Variants in ATP12A observed in about 807,000 individuals in gnomAD.
ATP12A encodes the protein potassium-transporting ATPase alpha chain 2.
Under a neutral mutation model 111.2 loss-of-function variants are expected in ATP12A, and 81 were observed. The ratio of observed to expected loss-of-function variants is 0.73; its 90% confidence interval spans 0.61 to 0.88. ATP12A has a LOEUF of 0.88. Among genes scored for constraint, ATP12A ranks in the 40% least tolerant of loss-of-function variants. ATP12A has a pLI of 0.00. For missense variants in ATP12A, 1,196 were observed against 1,313.1 expected (o/e 0.91, Z 1.38); for synonymous variants, 498 against 499.8 (o/e 1.00, Z 0.05).
chr13:24,680,774 G>A, intron 1 of ATP12A, 22 bp downstream of exon 1: 2 of 1,484,174 alleles, frequency 1.3e-6, no homozygotes, highest in African/African-American at 1.5e-5. Context: ...CCCCGCGCCG[G>A]CCGAGGATGC....
intron 14 of ATP12A, among the ~76,000 whole-genome samples, chr13:24,705,739 G>A (rs1437401476): frequency 6.6e-6 from 1 of 152,066 alleles, no homozygotes; most frequent in Non-Finnish European, 1.5e-5. Context: ...GCATGATCAT[G>A]GCTCACTGCA....
intron 14 of ATP12A, among the ~76,000 whole-genome samples, 179 bp downstream of exon 14, chr13:24,702,250 G>A (rs1875429289): frequency 6.6e-6 from 1 of 152,212 alleles, no homozygotes; most frequent in Admixed American, 6.5e-5. Flanking sequence ...CAGCTAATAT[G>A]TGCCAGGCAC....
Position 24,681,577 on chromosome 13 carries a change from TAC to T in ATP12A, c.26_27del (p.Tyr9PhefsTer8), listed in dbSNP as rs780681147. On this transcript the variant is annotated frameshift_variant, in exon 2 of 23. Transcript: ENST00000381946. LOFTEE classifies it high-confidence loss of function. ...TCTCTTTCAGAAAACCCCAGAAATT[TAC>T]TCCGTGGAGCTCAGCGGAACTAAGG... The part of the protein sequence containing the change: MHQKTPEI[Y>X]SVELSGTKDI... The T allele has an allele frequency of 1.9e-6, 3 of 1,611,140 alleles. No homozygotes were observed. In the African/African-American group the frequency reaches 4.0e-5, roughly 22 times the overall value.
chr13:24,705,814 C>G (rs1875605191), intron 14 of ATP12A, among the ~76,000 whole-genome samples: 1 of 152,110 alleles, frequency 6.6e-6, no homozygotes, highest in African/African-American at 2.4e-5. Context: ...GGACCACAGG[C>G]ACATGCCACC....
intron 17 of ATP12A, among the ~76,000 whole-genome samples, chr13:24,708,930 A>AAAGAAAGAAAG (rs1177029254): frequency 7.1e-6 from 1 of 140,458 alleles, no homozygotes; most frequent in African/African-American, 2.8e-5. Context: ...AGAAAGAAAG[A>AAAGAAAGAAAG]AAGAAAGAAA....
intron 14 of ATP12A, 110 bp downstream of exon 14, chr13:24,702,181 T>C (rs2137713872): frequency 2.1e-6 from 3 of 1,402,608 alleles, no homozygotes; most frequent in Non-Finnish European, 2.0e-6. Context: ...CTCAGAGTTA[T>C]GCTAGGCTTG....
Position 24,685,585 on chromosome 13 carries a change from G to A in ATP12A, c.228+212G>A, listed in dbSNP as rs971162563. ...GGCTCACACTGGCCTGGCAGTGAGA[G>A]GGACCAAGAGGGACAGATGACCCCT... On this transcript the variant is annotated intron_variant, in intron 3 of 22. Coordinates refer to ENST00000381946, the MANE Select transcript of ATP12A (RefSeq NM_001676.7). This position sits in a 1 kb window ranked among gnomAD's most constrained non-coding sequence, Gnocchi z 5.5. Among the ~76,000 whole-genome samples the A allele has an allele frequency of 1.2e-4, 18 of 152,284 alleles. No homozygotes were observed. The highest frequency in any genetic ancestry group is 4.1e-4 in the African/African-American group (17 of 41,568).
At chr13:24,707,577 C>A in intron 17 of ATP12A, 144 bp downstream of exon 17, 2 of 1,109,330 alleles carry the variant, frequency 1.8e-6, no homozygotes, top group Non-Finnish European at 2.5e-6. Context: ...GCATTTCTCA[C>A]AGGTTCTCAG....
chr13:24,697,115 C>G lies in ATP12A; in HGVS notation c.1513-1543C>G, dbSNP rs143484889. 3.1e-3 allele frequency among the ~76,000 whole-genome samples: 472 copies of G among 152,296 alleles called. 6 individuals carry two copies. The highest frequency in any genetic ancestry group is 0.01 in the African/African-American group (430 of 41,560). ...AGCCTGCTAGCCTGGGCTCAAATCC[C>G]AGCTCAGCCACCAGATAGCCACCTA... On this transcript the variant is annotated intron_variant, in intron 11 of 22. Transcript: ENST00000381946.
rs369565355 is a variant in ATP12A, at chr13:24,706,382, C to T, written c.2088C>T (p.Ile696=). 1.9e-6 allele frequency: 3 copies of T among 1,614,226 alleles called. No homozygotes were observed. Among genetic ancestry groups the T allele is most frequent in the African/African-American group, 1.3e-5 (1 of 75,058 alleles). Residue 696 remains isoleucine, a synonymous_variant, in exon 15 of 23, where the codon ATC becomes ATT. Coordinates refer to ENST00000381946, the MANE Select transcript of ATP12A (RefSeq NM_001676.7). ...KDMSSEQLDE[I]LANYQEIVFA... is the part of the protein sequence containing the mutation. ...TGAGCTCAGAACAGCTGGATGAGAT[C>T]TTAGCCAACTACCAGGAGATTGTCT...
At chr13:24,681,768 G>T (rs1199473530) in intron 2 of ATP12A, 48 bp downstream of exon 2, 19 of 1,608,818 alleles carry the variant, frequency 1.2e-5, no homozygotes, top group Admixed American at 3.4e-5. Context: ...GCCCTTCCCC[G>T]CAAGAGCTTG....
chr13:24,711,603 C>G lies in ATP12A; in HGVS notation c.*81C>G, dbSNP rs762498405. ...TCTGACCGTTTGCTGGGCTATTCCCCTGCAGTGCAGACATCGTCAAAATTC... is the reference window on the plus strand; with the variant it reads ...TCTGACCGTTTGCTGGGCTATTCCCGTGCAGTGCAGACATCGTCAAAATTC... On this transcript the variant is annotated 3_prime_UTR_variant, in exon 23 of 23. Coordinates refer to ENST00000381946, the MANE Select transcript of ATP12A (RefSeq NM_001676.7). 1.3e-6 allele frequency: 2 copies of G among 1,582,494 alleles called. No individual in the cohort carries two copies. The highest frequency in any genetic ancestry group is 1.7e-6 in the Non-Finnish European group (2 of 1,152,378).
chr13:24,688,179 C>G, intron 3 of ATP12A, 140 bp from the exon 4 acceptor site: 1 of 882,412 alleles, frequency 1.1e-6, no homozygotes, highest in South Asian at 1.9e-5. Flanking sequence ...GAGGCACGGT[C>G]TGCTTTTCTC....
rs543212921 is a variant in ATP12A, at chr13:24,696,705, C to T, written c.1513-1953C>T. Among the ~76,000 whole-genome samples the T allele has an allele frequency of 1.1e-3, 59 of 53,458 alleles. 7 individuals are homozygous for T. The South Asian group carries it at 0.055, about 50-fold the overall frequency. 35.1% of individuals were successfully genotyped at this position (53,458 alleles called of 152,430 possible). Reference sequence around the variant, plus strand: ...CCGCAGTCCGGCCTGGGCGACAGAGCGAGACTCCGTCTCAAAAAAAAAAAA... The same window carrying T: ...CCGCAGTCCGGCCTGGGCGACAGAGTGAGACTCCGTCTCAAAAAAAAAAAA... On this transcript the variant is annotated intron_variant, in intron 11 of 22. Coordinates refer to ENST00000381946, the MANE Select transcript of ATP12A (RefSeq NM_001676.7).
chr13:24,696,859 T>C (rs1875191240), intron 11 of ATP12A, among the ~76,000 whole-genome samples: 1 of 152,078 alleles, frequency 6.6e-6, no homozygotes, highest in South Asian at 2.1e-4. Flanking sequence ...TCACCAGGGC[T>C]TTAGATGTCA....
At chr13:24,697,989 C>T (rs1875236526) in intron 11 of ATP12A, among the ~76,000 whole-genome samples, 1 of 152,144 alleles carries the variant, frequency 6.6e-6, no homozygotes, top group Admixed American at 6.5e-5. Flanking sequence ...GAGTACCTGG[C>T]TTATCAGAAG....
At chr13:24,701,563 T>C (rs1039386892) in intron 13 of ATP12A, among the ~76,000 whole-genome samples, 1 of 151,712 alleles carries the variant, frequency 6.6e-6, no homozygotes, top group East Asian at 1.9e-4. Context: ...AAAAAGGCTT[T>C]ATTACTCAGT....
At chr13:24,695,022 G>A (rs1206803302) in intron 11 of ATP12A, among the ~76,000 whole-genome samples, 1 of 152,146 alleles carries the variant, frequency 6.6e-6, no homozygotes, top group Admixed American at 6.5e-5. Context: ...CGACCTACGT[G>A]GCCTTGTTCC....
At position 24,688,303 on chromosome 13, in the gene ATP12A, T is replaced by C. The variant is rs751979984; in HGVS notation, c.229-16T>C. 3 of 1,601,830 alleles carry C rather than the reference T, an allele frequency of 1.9e-6. No individual in the cohort carries two copies. Among genetic ancestry groups the C allele is most frequent in the South Asian group, 2.2e-5 (2 of 89,334 alleles). ...ATTTGTTTTGGTTGTGCATGTGCTT[T>C]GTTTGGCTTTCCCAGGGTCTCTCCA... On this transcript the variant is annotated splice_polypyrimidine_tract_variant and intron_variant, in intron 3 of 22. Transcript: ENST00000381946.
Sources: allele counts gnomAD v4.1 joint callset (sites outside exome capture counted in the v4.1 genomes callset), GRCh38; gene constraint gnomAD v4.1.1; non-coding constraint Gnocchi (gnomAD v3.1); transcripts MANE v1.5; gene names NCBI Gene and HGNC (gene_info 2026-07-23, HGNC 2026-07-21).